Variants in AKAP19 observed in about 807,000 individuals in gnomAD.
AKAP19 encodes the protein small A-kinase anchoring protein.
chr2:190,011,172 C>T, the AKAP19 span, among the ~76,000 whole-genome samples: 1 of 149,534 alleles, frequency 6.7e-6, no homozygotes, highest in Admixed American at 6.8e-5. Context: ...ATTCTCCTGT[C>T]TCAGCCTCCC....
chr2:189,958,541 AT>A, the AKAP19 span, among the ~76,000 whole-genome samples: 14 of 148,326 alleles, frequency 9.4e-5, no homozygotes, highest in African/African-American at 3.5e-4. Context: ...ATATATATAT[AT>A]AACATTGAAG....
chr2:190,015,769 C>G, the AKAP19 span, among the ~76,000 whole-genome samples: 1 of 152,210 alleles, frequency 6.6e-6, no homozygotes, highest in Non-Finnish European at 1.5e-5. Flanking sequence ...AGACTTAACA[C>G]TTTCAAAATC....
the AKAP19 span, chr2:190,203,127 T>C: frequency 6.0e-6 from 1 of 167,072 alleles, no homozygotes; most frequent in Admixed American, 6.5e-5. Context: ...TCATTGGCCT[T>C]TTATCAAATG....
At chr2:190,187,504 G>A in the AKAP19 span, among the ~76,000 whole-genome samples, 1 of 150,906 alleles carries the variant, frequency 6.6e-6, no homozygotes, top group African/African-American at 2.5e-5. Context: ...TATTCCCAAG[G>A]AATTTACTCC....
At chr2:190,186,966 A>G in the AKAP19 span, among the ~76,000 whole-genome samples, 1 of 152,128 alleles carries the variant, frequency 6.6e-6, no homozygotes, top group Admixed American at 6.6e-5. The surrounding 1 kb of genome is among the most constrained non-coding windows in gnomAD (Gnocchi z 5.5). Context: ...CTGTCTCCTG[A>G]GTAGCTGGAA....
the AKAP19 span, among the ~76,000 whole-genome samples, chr2:189,963,768 CT>C: frequency 2.0e-3 from 295 of 145,198 alleles, no homozygotes; most frequent in East Asian, 3.4e-3. Flanking sequence ...TAATATATTT[CT>C]TTTTTTTTTT....
At chr2:190,113,892 A>T in the AKAP19 span, among the ~76,000 whole-genome samples, 564 of 152,268 alleles carry the variant, frequency 3.7e-3, 8 homozygotes, top group African/African-American at 0.013. Flanking sequence ...CAAGACCTTG[A>T]TTCAGGCTCT....
chr2:189,993,124 C>T, the AKAP19 span, among the ~76,000 whole-genome samples: 3 of 152,164 alleles, frequency 2.0e-5, no homozygotes, highest in Non-Finnish European at 4.4e-5. Flanking sequence ...TTCAACTTTT[C>T]CCTGTTCAGT....
At chr2:190,137,380 C>CA in the AKAP19 span, among the ~76,000 whole-genome samples, 1 of 151,670 alleles carries the variant, frequency 6.6e-6, no homozygotes, top group Non-Finnish European at 1.5e-5. Context: ...TTTTGTGAAC[C>CA]AAAAAAAGAA....
the AKAP19 span, among the ~76,000 whole-genome samples, chr2:190,050,007 C>T: frequency 1.1e-4 from 16 of 152,256 alleles, 1 homozygote; most frequent in East Asian, 2.5e-3. Flanking sequence ...AGTGGAATCA[C>T]CATTAGAACC....
the AKAP19 span, among the ~76,000 whole-genome samples, chr2:190,010,352 TTGAA>T: frequency 6.6e-6 from 1 of 152,138 alleles, no homozygotes; most frequent in African/African-American, 2.4e-5. Flanking sequence ...TTTGTCTACT[TTGAA>T]TGAGGATGCA....
At chr2:190,175,550 T>C in the AKAP19 span, among the ~76,000 whole-genome samples, 1 of 152,212 alleles carries the variant, frequency 6.6e-6, no homozygotes, top group East Asian at 1.9e-4. Flanking sequence ...AGAACCAGAA[T>C]GGGTCTAGAG....
chr2:190,192,050 G>A, the AKAP19 span, among the ~76,000 whole-genome samples: 20 of 151,234 alleles, frequency 1.3e-4, no homozygotes, highest in Non-Finnish European at 2.5e-4. Context: ...ACCCAAGATC[G>A]CAAATGTTTT....
the AKAP19 span, among the ~76,000 whole-genome samples, chr2:189,944,368 C>T: frequency 6.6e-6 from 1 of 152,102 alleles, no homozygotes; most frequent in Admixed American, 6.5e-5. Context: ...GTTTGCCTTC[C>T]ACTATGTTTG....
At chr2:190,141,529 G>A in the AKAP19 span, among the ~76,000 whole-genome samples, 3 of 152,118 alleles carry the variant, frequency 2.0e-5, no homozygotes, top group Admixed American at 2.0e-4. Context: ...TGGCAGCAAG[G>A]AGCACTGCTG....
the AKAP19 span, among the ~76,000 whole-genome samples, chr2:190,114,115 C>T: frequency 1.1e-3 from 167 of 152,228 alleles, no homozygotes; most frequent in African/African-American, 3.6e-3. Context: ...CAGTCTTTTC[C>T]GCAAACAAAT....
chr2:190,099,296 C>A, the AKAP19 span, among the ~76,000 whole-genome samples: 1,975 of 152,300 alleles, frequency 0.013, 21 homozygotes, highest in Admixed American at 0.021. Context: ...TCCTTTCACT[C>A]AGCCACTTAA....
chr2:189,890,019 G>C, the AKAP19 span, among the ~76,000 whole-genome samples: 1 of 151,884 alleles, frequency 6.6e-6, no homozygotes, highest in African/African-American at 2.4e-5. Flanking sequence ...GTGATGTTAG[G>C]GTGTCAATTT....
At chr2:189,919,533 C>G in the AKAP19 span, among the ~76,000 whole-genome samples, 2 of 151,804 alleles carry the variant, frequency 1.3e-5, no homozygotes, top group East Asian at 3.9e-4. Flanking sequence ...CGTCTAAGTT[C>G]CCTCCCCTTA....
Sources: allele counts gnomAD v4.1 joint callset (sites outside exome capture counted in the v4.1 genomes callset), GRCh38; gene constraint gnomAD v4.1.1; non-coding constraint Gnocchi (gnomAD v3.1); transcripts MANE v1.5; gene names NCBI Gene and HGNC (gene_info 2026-07-23, HGNC 2026-07-21).